The following DDX3X variants were observed in gnomAD, a reference collection of about 807,000 sequenced individuals.
DDX3X encodes ATP-dependent RNA helicase DDX3X.
A neutral mutation model predicts 52.7 loss-of-function variants in DDX3X; 4 were observed. The observed-to-expected ratio is 0.08, with a 90% CI of 0.04 to 0.17. DDX3X has a LOEUF of 0.17. Among genes scored for constraint, DDX3X ranks in the 10% least tolerant of loss-of-function variants. The pLI is 1.00. For missense variants in DDX3X, 222 were observed against 548.6 expected, an observed-to-expected ratio of 0.40 and a Z score of 5.95; for synonymous variants, 192 against 178.1, an observed-to-expected ratio of 1.08 and a Z score of -0.62.
At chrX:41,362,662 T>C (rs897406629) in intron 5 of DDX3X, among the ~76,000 whole-genome samples, 5 of 112,122 alleles carry the variant, frequency 4.5e-5, no homozygotes, top group Admixed American at 2.9e-4. Context: ...CTTAACTAAC[T>C]ACTCTAATTA....
At chrX:41,352,339 C>T (rs376955967), downstream of DDX3X, among the ~76,000 whole-genome samples, 2 of 111,929 alleles carry the variant, frequency 1.8e-5, no homozygotes, top group South Asian at 3.7e-4. Context: ...TTCCTTGTTA[C>T]ATTGAAGATG....
chrX:41,355,620 A>C (rs1602143356), intron 5 of DDX3X, among the ~76,000 whole-genome samples: 1 of 103,472 alleles, frequency 9.7e-6, no homozygotes. Flanking sequence ...GGTGTGTACC[A>C]CCATGCTCGG....
intron 6 of DDX3X, 88 bp from the exon 7 acceptor site, chrX:41,343,128 A>G (rs2063873678): frequency 1.9e-6 from 2 of 1,026,413 alleles, no homozygotes; most frequent in East Asian, 3.1e-5. Context: ...TGAGTTACCA[A>G]TCAGCTGTTG....
chrX:41,341,882 A>T (rs1484708073), intron 4 of DDX3X: 7 of 267,655 alleles, frequency 2.6e-5, no homozygotes, highest in African/African-American at 1.7e-4. Flanking sequence ...TGAATGGCCT[A>T]ATTTGGTTGG....
Position 41,349,288 on chromosome X carries a change from T to C in DDX3X, c.*1569T>C, listed in dbSNP as rs1178458916. ...TGCCCATAACTTTTTACAAAGTACT[T>C]CTTTTATTGCACATTCAGAGAATTT... On this transcript the variant is annotated 3_prime_UTR_variant, in exon 17 of 17. Coordinates refer to ENST00000644876, the MANE Select transcript of DDX3X (RefSeq NM_001356.5). The C allele has an allele frequency of 8.9e-6, 1 of 112,285 alleles. No homozygotes were observed. Among genetic ancestry groups the C allele is most frequent in the Non-Finnish European group, 1.9e-5 (1 of 53,269 alleles). 9.3% of individuals were successfully genotyped at this position (112,285 alleles called of 1,213,427 possible).
intron 1 of DDX3X, chrX:41,335,721 T>A (rs1318833842): frequency 8.9e-6 from 1 of 112,489 alleles, no homozygotes; most frequent in African/African-American, 3.2e-5. Flanking sequence ...GGAATTGATC[T>A]GTTCCTTTGG....
exon 6 of DDX3X, chrX:41,364,440 G>A (rs1569246650): frequency 3.4e-6 from 1 of 293,195 alleles, no homozygotes; most frequent in East Asian, 4.8e-5. Flanking sequence ...CTTATTACAT[G>A]AGAAAAATAA....
chrX:41,342,704 T>G, intron 5 of DDX3X, 33 bp from the exon 6 acceptor site: 1 of 1,208,141 alleles, frequency 8.3e-7, no homozygotes, highest in Non-Finnish European at 1.1e-6. Flanking sequence ...CTAGCTAGTA[T>G]AACAAATGAA....
At chrX:41,336,907 G>C (rs1050291428) in intron 1 of DDX3X, among the ~76,000 whole-genome samples, 7 of 112,068 alleles carry the variant, frequency 6.2e-5, no homozygotes, top group African/African-American at 2.3e-4. Context: ...CTAACTAAAA[G>C]AACGGCCACT....
At chrX:41,346,723 CAAAG>C in intron 14 of DDX3X, 101 bp downstream of exon 14, 1 of 950,920 alleles carries the variant, frequency 1.1e-6, no homozygotes. Flanking sequence ...ATGAAAGTGA[CAAAG>C]ATTTTGCTCA....
chrX:41,340,409 A>G (rs1171132353), intron 3 of DDX3X: 1 of 120,664 alleles, frequency 8.3e-6, no homozygotes, highest in Non-Finnish European at 1.7e-5. Context: ...GACTGGCCTA[A>G]CGGTAGGAGG....
intron 7 of DDX3X, 53 bp from the exon 8 acceptor site, chrX:41,343,684 C>T: frequency 1.9e-6 from 2 of 1,051,888 alleles, no homozygotes; most frequent in Non-Finnish European, 2.7e-6. Flanking sequence ...CTGTCATCTA[C>T]CAATGTCTGT....
At chrX:41,358,472 GT>G (rs1208095130) in intron 5 of DDX3X, among the ~76,000 whole-genome samples, 2 of 111,779 alleles carry the variant, frequency 1.8e-5, no homozygotes, top group Admixed American at 1.9e-4. Context: ...TACCTTTTCA[GT>G]TTCATCTTCT....
At chrX:41,342,884 T>A in intron 6 of DDX3X, 48 bp downstream of exon 6, 1 of 1,014,981 alleles carries the variant, frequency 9.9e-7, no homozygotes, top group Non-Finnish European at 1.4e-6. Context: ...GTTAAATGTT[T>A]TCATGTTACA....
chrX:41,337,880 G>A (rs1363777756), intron 2 of DDX3X: 2 of 117,657 alleles, frequency 1.7e-5, no homozygotes, highest in Non-Finnish European at 3.5e-5. Flanking sequence ...CTCTAGAAGA[G>A]TTTTTGTCCA....
chrX:41,336,012 C>G (rs1051465789), intron 1 of DDX3X: 4 of 112,239 alleles, frequency 3.6e-5, no homozygotes, highest in African/African-American at 1.3e-4. Flanking sequence ...TGTTTTTGCT[C>G]ATAGAAATTC....
At chrX:41,356,755 G>A (rs1464734390) in intron 5 of DDX3X, among the ~76,000 whole-genome samples, 1 of 109,886 alleles carries the variant, frequency 9.1e-6, no homozygotes, top group Non-Finnish European at 1.9e-5. Flanking sequence ...GAGCCACCGT[G>A]CCCGGCCGGC....
rs1340989779 is a variant in DDX3X at position 41,348,214 on chromosome X, C to T, written c.*495C>T. The T allele has an allele frequency of 1.6e-5, 3 of 187,141 alleles. No individual in the cohort carries two copies. Among genetic ancestry groups the T allele is most frequent in the Non-Finnish European group, 2.9e-5 (3 of 102,033 alleles). The allele number at this position is 187,141 out of a possible 1,213,427, so 15.4% of individuals were successfully genotyped here. On this transcript the variant is annotated 3_prime_UTR_variant, in exon 17 of 17. Coordinates refer to ENST00000644876, the MANE Select transcript of DDX3X (RefSeq NM_001356.5). The stretch of plus-strand genomic sequence containing the variant: ...TAAATAATATAAGGAAAAACTTATG[C>T]GGTAGCCTGCATTAGGGCTTTTTGA...
intron 3 of DDX3X, chrX:41,339,309 G>C (rs1213895885): frequency 5.3e-6 from 1 of 189,820 alleles, no homozygotes; most frequent in Non-Finnish European, 1.0e-5. Flanking sequence ...CTGACGCCAA[G>C]GGCATGGTTT....
Sources: gnomAD v4.1 joint callset for allele counts (sites outside exome capture counted in the v4.1 genomes callset) on GRCh38, gnomAD v4.1.1 for gene constraint, MANE v1.5 for transcripts, NCBI Gene and HGNC (gene_info 2026-07-23, HGNC 2026-07-21) for gene names.